MAPT: variants seen among roughly 807,000 people sequenced by gnomAD.
The protein encoded by MAPT is microtubule associated protein tau.
In MAPT, 34 loss-of-function variants were observed where a neutral mutation model predicts 67.9. That is an observed-to-expected ratio of 0.50 (90% confidence interval 0.38 to 0.67). The LOEUF is 0.67. MAPT is among the 30% of genes least tolerant of loss of function. The pLI, the probability that MAPT is intolerant of heterozygous loss-of-function variation, is 0.00. For synonymous variants in MAPT, 456 were observed against 464.5 expected (o/e 0.98, Z 0.23); for missense variants, 881 against 1,115.2 (o/e 0.79, Z 2.99).
intron 9 of MAPT, chr17:45,999,130 T>C: frequency 2.2e-6 from 3 of 1,337,776 alleles, no homozygotes; most frequent in Non-Finnish European, 3.0e-6. Flanking sequence ...GTGGGGAATG[T>C]CCTTCTCTCC....
Position 45,983,603 on chromosome 17 carries a change from CT to C in MAPT, c.1025del (p.Leu342ProfsTer23). On this transcript the variant is annotated frameshift_variant, in exon 5 of 13. Transcript: ENST00000262410. LOFTEE classifies it high-confidence loss of function. ...PGFPAEGAIP[L>X]PVDFLSKVST... is the part of the protein sequence containing the mutation. ...CTTCCCAGCGGAGGGTGCCATCCCC[CT>C]CCCTGTGGATTTCCTCTCCAAAGTT... 1 of 1,613,482 alleles carries C rather than the reference CT, an allele frequency of 6.2e-7. No individual in the cohort carries two copies. Among genetic ancestry groups the C allele is most frequent in the Non-Finnish European group, 8.5e-7 (1 of 1,180,016 alleles).
intron 1 of MAPT, among the ~76,000 whole-genome samples, chr17:45,952,944 C>G (rs989546864): frequency 1.3e-5 from 2 of 152,154 alleles, no homozygotes; most frequent in Non-Finnish European, 2.9e-5. Flanking sequence ...CTGTCTGCCT[C>G]TTACTGGCTG....
intron 1 of MAPT, among the ~76,000 whole-genome samples, chr17:45,946,617 T>A (rs796978168): frequency 0.74 from 56,930 of 76,566 alleles, 20,682 homozygotes; most frequent in East Asian, 0.83. Context: ...AAAAAAAAAA[T>A]ATATATATAT....
At chr17:45,937,887 T>C (rs2067493084) in intron 1 of MAPT, among the ~76,000 whole-genome samples, 1 of 152,182 alleles carries the variant, frequency 6.6e-6, no homozygotes, top group South Asian at 2.1e-4. Context: ...CCCTAGCCTC[T>C]TGGACATTCT....
chr17:45,966,559 A>C (rs1272300019), intron 2 of MAPT, among the ~76,000 whole-genome samples: 2 of 152,222 alleles, frequency 1.3e-5, no homozygotes, highest in Non-Finnish European at 1.5e-5. Context: ...ACTGCACTCC[A>C]ACCTGGGCAA....
intron 1 of MAPT, among the ~76,000 whole-genome samples, chr17:45,935,219 G>A (rs1279842408): frequency 6.6e-6 from 1 of 152,040 alleles, no homozygotes; most frequent in African/African-American, 2.4e-5. Flanking sequence ...GCCCCTACTG[G>A]GGGCTGGGAT....
In MAPT at chr17:46,010,550, G is replaced by C. The variant is rs911792274; in HGVS notation, c.2091+148G>C. 1.4e-6 allele frequency: 1 copy of C among 706,366 alleles called. No homozygotes were observed. Among genetic ancestry groups the C allele is most frequent in the Admixed American group, 2.0e-5 (1 of 49,682 alleles). The allele number at this position is 706,366 out of a possible 1,614,324, so 43.8% of individuals were successfully genotyped here. ...TGCGACCTCTGGGTGAATGTAGCCC[G>C]GCTCCCCACATTCCCCCACACGGTC... On this transcript the variant is annotated intron_variant, in intron 10 of 12. Transcript: ENST00000262410. The surrounding 1 kb of genome is among the most constrained non-coding windows in gnomAD (Gnocchi z 4.7).
chr17:45,925,773 T>C (rs1385530516), intron 1 of MAPT, among the ~76,000 whole-genome samples: 1 of 151,232 alleles, frequency 6.6e-6, no homozygotes, highest in Admixed American at 6.6e-5. Context: ...GAAAAAAATG[T>C]ACAAACATAT....
intron 9 of MAPT, among the ~76,000 whole-genome samples, chr17:46,001,293 G>C (rs879289812): frequency 6.6e-6 from 1 of 150,682 alleles, no homozygotes; most frequent in Admixed American, 6.7e-5. Flanking sequence ...GGATTTCATA[G>C]TTTTAAATAC....
chr17:45,982,131 G>A (rs2435208), intron 4 of MAPT, among the ~76,000 whole-genome samples: 26,508 of 151,504 alleles, frequency 0.17, 2,768 homozygotes, highest in East Asian at 0.44. Context: ...AGACTATCCT[G>A]GCCAACATGG....
rs545715099 is a variant in MAPT at position 46,003,357 on chromosome 17, C to T, written c.1998+6693C>T. On this transcript the variant is annotated intron_variant, in intron 9 of 12. Coordinates refer to ENST00000262410, the MANE Select transcript of MAPT (RefSeq NM_001377265.1). Reference sequence around the variant, plus strand: ...GCAGTGGTGCAATCTCGGCTCACTGCAACCTCCGCCTCCCAGGTTGAAGCA... The same window carrying T: ...GCAGTGGTGCAATCTCGGCTCACTGTAACCTCCGCCTCCCAGGTTGAAGCA... 2.6e-5 allele frequency among the ~76,000 whole-genome samples: 4 copies of T among 152,096 alleles called. No individual in the cohort carries two copies. The East Asian group carries it at 7.8e-4, about 30-fold the overall frequency.
At chr17:46,014,837 C>T (rs974985207) in intron 11 of MAPT, among the ~76,000 whole-genome samples, 4 of 151,378 alleles carry the variant, frequency 2.6e-5, no homozygotes, top group African/African-American at 9.7e-5. Context: ...GAGCAGAGAT[C>T]GCGCCACTGC....
chr17:45,909,944 G>C (rs1338829509), intron 1 of MAPT, among the ~76,000 whole-genome samples: 1 of 150,772 alleles, frequency 6.6e-6, no homozygotes, highest in Non-Finnish European at 1.5e-5. Context: ...GGGAGGCTGA[G>C]GCACGAGAAT....
chr17:45,935,192 T>A (rs2067211426), intron 1 of MAPT, among the ~76,000 whole-genome samples: 1 of 152,018 alleles, frequency 6.6e-6, no homozygotes, highest in East Asian at 1.9e-4. Context: ...TTCCATTCCC[T>A]CGGGAGAGTC....
intron 8 of MAPT, among the ~76,000 whole-genome samples, chr17:45,994,542 G>A (rs752301387): frequency 7.9e-5 from 12 of 152,148 alleles, no homozygotes; most frequent in African/African-American, 1.2e-4. Flanking sequence ...ATGGAAATCC[G>A]CAGGGCACGG....
Position 45,996,109 on chromosome 17 carries a change from AG to A in MAPT, c.1733-289del, listed in dbSNP as rs2074447629. Among the ~76,000 whole-genome samples the A allele has an allele frequency of 6.6e-6, 1 of 152,270 alleles. No individual in the cohort carries two copies. ...TGTTGGAGCCCATCTCTTGACCCAA[AG>A]ACTGTGGAGCCGAGTTGGCCACCTC... is the stretch of plus-strand genomic sequence containing the variant. On this transcript the variant is annotated intron_variant, in intron 8 of 12. Transcript: ENST00000262410. This position sits in a 1 kb window ranked among gnomAD's most constrained non-coding sequence, Gnocchi z 4.5.
chr17:45,895,215 C>T (rs74457229), intron 1 of MAPT: 21,819 of 152,226 alleles, frequency 0.14, 2,132 homozygotes, highest in Non-Finnish European at 0.22. Context: ...CACGCCCCTC[C>T]CTGCACCTCC....
intron 3 of MAPT, chr17:45,973,521 G>A (rs2071956156): frequency 6.6e-6 from 1 of 152,246 alleles, no homozygotes; most frequent in African/African-American, 2.4e-5. Context: ...CCCTGGTGGA[G>A]GGAACACTGC....
chr17:45,912,711 C>CAGTA (rs1319971492), intron 1 of MAPT, among the ~76,000 whole-genome samples: 10 of 152,218 alleles, frequency 6.6e-5, no homozygotes, highest in African/African-American at 1.9e-4. Context: ...GAATCAAAAA[C>CAGTA]AGTAAGTATG....
Sources: allele counts gnomAD v4.1 joint callset (sites outside exome capture counted in the v4.1 genomes callset), GRCh38; gene constraint gnomAD v4.1.1; non-coding constraint Gnocchi (gnomAD v3.1); transcripts MANE v1.5; gene names NCBI Gene and HGNC (gene_info 2026-07-23, HGNC 2026-07-21).